The following PTPRS variants were observed in gnomAD, a reference collection of about 807,000 sequenced individuals.
The protein encoded by PTPRS is protein tyrosine phosphatase receptor type S.
In PTPRS, 63 loss-of-function variants were observed where a neutral mutation model predicts 215.3. The observed-to-expected ratio is 0.29, with a 90% CI of 0.24 to 0.36. The LOEUF is 0.36. Among genes scored for constraint, PTPRS ranks in the 10% least tolerant of loss-of-function variants. PTPRS has a pLI of 1.00. For missense variants in PTPRS, 2,258 were observed against 2,825.8 expected (o/e 0.80, Z 4.56); for synonymous variants, 1,404 against 1,191.4 (o/e 1.18, Z -3.68).
At chr19:5,247,013 G>C (rs1436234461) in intron 9 of PTPRS, among the ~76,000 whole-genome samples, 1 of 151,698 alleles carries the variant, frequency 6.6e-6, no homozygotes, top group African/African-American at 2.4e-5. Flanking sequence ...AGAGAGAGGA[G>C]ACGAATGAAT....
intron 2 of PTPRS, among the ~76,000 whole-genome samples, chr19:5,275,134 G>A (rs1306283132): frequency 2.0e-5 from 3 of 149,720 alleles, no homozygotes; most frequent in Non-Finnish European, 4.4e-5. Context: ...ACAGTGGTGT[G>A]ATCTCGGCTC....
At chr19:5,213,404 CCT>C (rs1253789859) in intron 30 of PTPRS, among the ~76,000 whole-genome samples, 1 of 102,394 alleles carries the variant, frequency 9.8e-6, no homozygotes, top group Non-Finnish European at 2.3e-5. Flanking sequence ...CAGGCTGCAC[CCT>C]CTTACCTGAA....
chr19:5,222,237 C>G lies in PTPRS; in HGVS notation c.3104-17G>C. The stretch of plus-strand genomic sequence containing the variant: ...TGGGCGAGACTGCCGGGGAGGCGGC[C>G]GAGCAGGGAGAGAGCAGAAGAGAGG... On this transcript the variant is annotated splice_polypyrimidine_tract_variant and intron_variant, in intron 18 of 37. Transcript: ENST00000262963. 4 of 1,604,050 alleles carry G rather than the reference C, an allele frequency of 2.5e-6. No homozygotes were observed. The highest frequency in any genetic ancestry group is 3.4e-6 in the Non-Finnish European group (4 of 1,171,702).
intron 9 of PTPRS, among the ~76,000 whole-genome samples, chr19:5,253,674 G>C (rs1292050160): frequency 1.3e-5 from 2 of 152,126 alleles, no homozygotes; most frequent in South Asian, 2.1e-4. Context: ...CGAAAAATGA[G>C]GTCTGAGCAA....
At chr19:5,327,083 C>G (rs1047153153) in intron 1 of PTPRS, among the ~76,000 whole-genome samples, 1 of 152,226 alleles carries the variant, frequency 6.6e-6, no homozygotes, top group Non-Finnish European at 1.5e-5. Flanking sequence ...CACTCCCAGC[C>G]CAGCTCCTGC....
At chr19:5,267,113 GGTGA>G (rs1157594251) in intron 4 of PTPRS, among the ~76,000 whole-genome samples, 2 of 152,100 alleles carry the variant, frequency 1.3e-5, no homozygotes, top group African/African-American at 4.8e-5. Context: ...TCCAGCACCA[GGTGA>G]GTGAGTGGCA....
chr19:5,261,493 G>A (rs889659251), intron 6 of PTPRS, among the ~76,000 whole-genome samples: 5 of 152,162 alleles, frequency 3.3e-5, no homozygotes, highest in East Asian at 3.9e-4. Context: ...AAGGCGGCTC[G>A]GGGCTGGAAC....
chr19:5,320,424 T>C (rs2049995356), intron 1 of PTPRS, among the ~76,000 whole-genome samples: 1 of 152,136 alleles, frequency 6.6e-6, no homozygotes, highest in Non-Finnish European at 1.5e-5. Flanking sequence ...ATCTAGCAAA[T>C]AAATGGATTT....
chr19:5,271,241 C>T (rs1289254082), intron 4 of PTPRS, among the ~76,000 whole-genome samples: 1 of 152,198 alleles, frequency 6.6e-6, no homozygotes, highest in Non-Finnish European at 1.5e-5. Flanking sequence ...TGGTAACAAG[C>T]ATCTTACTAA....
rs183411555 is a variant in PTPRS, at chr19:5,256,521, C to A, written c.707-402G>T. Reference sequence around the variant, plus strand: ...ACAGAAGCCCCCCTCCCTTCTTGCACCCTCACTAAAGGCCCCACCCGGCTC... The same window carrying A: ...ACAGAAGCCCCCCTCCCTTCTTGCAACCTCACTAAAGGCCCCACCCGGCTC... On this transcript the variant is annotated intron_variant, in intron 8 of 37. Transcript: ENST00000262963. Among the ~76,000 whole-genome samples the A allele has an allele frequency of 1.4e-4, 22 of 152,228 alleles. No homozygotes were observed. In the East Asian group the frequency reaches 3.3e-3, roughly 23 times the overall value.
chr19:5,325,860 A>G (rs1463895112), intron 1 of PTPRS, among the ~76,000 whole-genome samples: 1 of 152,264 alleles, frequency 6.6e-6, no homozygotes, highest in Non-Finnish European at 1.5e-5. Flanking sequence ...GCTCAGTTCA[A>G]GAAATTCAGG....
At chr19:5,240,448 CT>C in intron 11 of PTPRS, 116 bp from the exon 12 acceptor site, 1 of 1,108,640 alleles carries the variant, frequency 9.0e-7, no homozygotes, top group African/African-American at 1.6e-5. Context: ...CTAGAATGTT[CT>C]TTTATTTTCC....
At chr19:5,262,928 C>A in intron 6 of PTPRS, 36 bp downstream of exon 6, 1 of 1,563,074 alleles carries the variant, frequency 6.4e-7, no homozygotes, top group Non-Finnish European at 8.7e-7. Flanking sequence ...GGGGATGGGG[C>A]GTTAGTTGTT....
At chr19:5,212,595 G>A (rs1193243236) in intron 30 of PTPRS, 104 bp from the exon 31 acceptor site, 5 of 1,392,840 alleles carry the variant, frequency 3.6e-6, no homozygotes, top group Non-Finnish European at 4.9e-6. Flanking sequence ...TGTTATCCCA[G>A]CACTTTGGGA....
intron 2 of PTPRS, among the ~76,000 whole-genome samples, chr19:5,279,263 G>C (rs1198527528): frequency 6.6e-6 from 1 of 152,154 alleles, no homozygotes; most frequent in Non-Finnish European, 1.5e-5. Flanking sequence ...GAGCTAAGTG[G>C]CTGGACACAG....
At chr19:5,218,981 G>A in intron 23 of PTPRS, 183 bp from the exon 24 acceptor site, 2 of 682,774 alleles carry the variant, frequency 2.9e-6, no homozygotes, top group South Asian at 1.9e-5. Flanking sequence ...ACACCACAAG[G>A]AGGCTTATCT....
At chr19:5,227,297 T>C (rs867049427) in intron 16 of PTPRS, among the ~76,000 whole-genome samples, 24 of 152,232 alleles carry the variant, frequency 1.6e-4, no homozygotes, top group African/African-American at 5.5e-4. Flanking sequence ...GTGATCCGCC[T>C]GCCTCTGCCT....
intron 5 of PTPRS, among the ~76,000 whole-genome samples, chr19:5,264,667 T>C (rs930990844): frequency 9.2e-5 from 14 of 152,302 alleles, no homozygotes; most frequent in Non-Finnish European, 7.4e-5. Context: ...GTGATCTCAC[T>C]GCCTGAGCAT....
intron 14 of PTPRS, 24 bp downstream of exon 14, chr19:5,231,286 C>A (rs752559727): frequency 6.3e-7 from 1 of 1,579,046 alleles, no homozygotes; most frequent in African/African-American, 1.3e-5. Flanking sequence ...TGCGGGGGGT[C>A]CCGGGCCTGG....
Sources: gnomAD v4.1 joint callset for allele counts (sites outside exome capture counted in the v4.1 genomes callset) on GRCh38, gnomAD v4.1.1 for gene constraint, MANE v1.5 for transcripts, NCBI Gene and HGNC (gene_info 2026-07-23, HGNC 2026-07-21) for gene names.